USP10: variants seen among roughly 807,000 people sequenced by gnomAD.
The protein encoded by USP10 is ubiquitin specific peptidase 10, also known as ubiquitin carboxyl-terminal hydrolase 10.
Under a neutral mutation model 84.5 loss-of-function variants are expected in USP10, and 22 were observed. That is an observed-to-expected ratio of 0.26 (90% CI 0.19 to 0.37). USP10 has a LOEUF of 0.37. USP10 is among the 10% of genes least tolerant of loss of function. The pLI is 1.00. For synonymous variants in USP10, 454 were observed against 387.6 expected, an observed-to-expected ratio of 1.17 and a Z score of -2.01; for missense variants, 1,019 against 998.9, an observed-to-expected ratio of 1.02 and a Z score of -0.27.
intron 4 of USP10, among the ~76,000 whole-genome samples, chr16:84,749,670 T>A (rs1911675816): frequency 6.6e-6 from 1 of 152,240 alleles, no homozygotes; most frequent in Non-Finnish European, 1.5e-5. Context: ...TCTGGACTAT[T>A]TCCCCTATTG....
chr16:84,761,779 G>A (rs905211506), intron 8 of USP10, among the ~76,000 whole-genome samples: 2 of 152,260 alleles, frequency 1.3e-5, no homozygotes, highest in African/African-American at 4.8e-5. Context: ...TTGGACCGAT[G>A]GGAACCTTTC....
At chr16:84,704,930 C>T in intron 1 of USP10, 2 of 1,532,868 alleles carry the variant, frequency 1.3e-6, no homozygotes, top group South Asian at 1.2e-5. Flanking sequence ...CCCTTTTGGG[C>T]TCACATGAGA....
intron 2 of USP10, among the ~76,000 whole-genome samples, chr16:84,736,951 G>A (rs1910012437): frequency 6.6e-6 from 1 of 152,206 alleles, no homozygotes; most frequent in Non-Finnish European, 1.5e-5. Context: ...ACCTCGCCCG[G>A]CTAATTTTTT....
intron 3 of USP10, among the ~76,000 whole-genome samples, chr16:84,741,485 C>T (rs1192887835): frequency 6.6e-6 from 1 of 152,334 alleles, no homozygotes; most frequent in South Asian, 2.1e-4. Context: ...CTTACAAATG[C>T]CCCATGATGT....
Position 84,772,650 on chromosome 16 carries a change from A to G in USP10, c.2108A>G (p.Asn703Ser). The G allele has an allele frequency of 6.2e-7, 1 of 1,614,052 alleles. No individual in the cohort carries two copies. Among genetic ancestry groups the G allele is most frequent in the Non-Finnish European group, 8.5e-7 (1 of 1,179,904 alleles). Residue 703 changes from asparagine (N) to serine (S), a missense_variant, in exon 12 of 14, where the codon AAT becomes AGT. Asn to Ser is a conservative substitution (Grantham distance 46). Transcript: ENST00000219473. Reference protein sequence around the residue: ...KTGGCQKLIKNIEYPVDLEIS... With the variant: ...KTGGCQKLIKSIEYPVDLEIS... ...GGTGGGTGCCAGAAGCTTATCAAAA[A>G]TATTGAATATCCTGTGGACTTGGAA...
At chr16:84,708,142 G>A (rs1300987159) in intron 1 of USP10, among the ~76,000 whole-genome samples, 6 of 151,472 alleles carry the variant, frequency 4.0e-5, no homozygotes, top group Middle Eastern at 3.6e-3. Context: ...CATGCTGTCC[G>A]GTGTTCATAG....
In USP10 at chr16:84,700,110, A is replaced by G; in HGVS notation, c.20A>G (p.Gln7Arg). 1.5e-6 allele frequency: 2 copies of G among 1,352,050 alleles called. No homozygotes were observed. The highest frequency in any genetic ancestry group is 1.9e-6 in the Non-Finnish European group (2 of 1,030,950). 83.8% of individuals were successfully genotyped at this position (1,352,050 alleles called of 1,614,324 possible). A position where few individuals can be genotyped will look rare whatever the true frequency, so the allele number is the denominator to read the frequency against. MALHSP[Q>R]YIFGDFSPDE... is the part of the protein sequence containing the mutation. ...GCAGCCATGGCCCTCCACAGCCCGC[A>G]GGTAGCCGCCGGTCTGCGCCTTCGG... Residue 7 changes from glutamine to arginine, a missense_variant and splice_region_variant, in exon 1 of 14, where the codon CAG becomes CGG. Physicochemically the swap from Gln to Arg is conservative, Grantham distance 43. Transcript: ENST00000219473.
intron 4 of USP10, among the ~76,000 whole-genome samples, chr16:84,749,912 A>C (rs549365397): frequency 1.9e-4 from 29 of 152,312 alleles, no homozygotes; most frequent in African/African-American, 6.3e-4. Context: ...CTGTTTTTCA[A>C]GTGTGAACTG....
chr16:84,752,757 G>C (rs867033410), intron 4 of USP10, among the ~76,000 whole-genome samples: 1 of 152,146 alleles, frequency 6.6e-6, no homozygotes, highest in Non-Finnish European at 1.5e-5. Flanking sequence ...AGGAGCTCAC[G>C]AACTTCATAA....
chr16:84,730,516 A>G (rs1444681594), intron 1 of USP10, among the ~76,000 whole-genome samples: 1 of 152,242 alleles, frequency 6.6e-6, no homozygotes, highest in Non-Finnish European at 1.5e-5. Context: ...ATTTGAAAAT[A>G]ATAGGAGAAA....
At chr16:84,709,779 C>T (rs548235426) in intron 1 of USP10, among the ~76,000 whole-genome samples, 2 of 152,126 alleles carry the variant, frequency 1.3e-5, no homozygotes, top group Non-Finnish European at 2.9e-5. Context: ...GGCAGAGAAG[C>T]ACACGGACAA....
At chr16:84,712,010 G>A (rs1197930981) in intron 1 of USP10, among the ~76,000 whole-genome samples, 6 of 152,084 alleles carry the variant, frequency 3.9e-5, no homozygotes, top group Admixed American at 2.0e-4. Flanking sequence ...ATGAGCCACC[G>A]CGCCCGGTGG....
At chr16:84,753,237 C>G (rs1031502722) in intron 4 of USP10, among the ~76,000 whole-genome samples, 3 of 152,160 alleles carry the variant, frequency 2.0e-5, no homozygotes, top group Non-Finnish European at 2.9e-5. Flanking sequence ...CTGCCATAGC[C>G]TCCCAAAGTG....
intron 4 of USP10, among the ~76,000 whole-genome samples, chr16:84,747,769 GC>G (rs773612895): frequency 3.3e-5 from 5 of 151,714 alleles, no homozygotes; most frequent in Non-Finnish European, 5.9e-5. Context: ...GTTTCACCAT[GC>G]TGCCCAGGCT....
At chr16:84,755,310 G>A (rs73245629) in intron 4 of USP10, among the ~76,000 whole-genome samples, 137 of 151,678 alleles carry the variant, frequency 9.0e-4, no homozygotes, top group African/African-American at 3.2e-3. Context: ...AACTGAAGTT[G>A]CTGTTTCACT....
intron 1 of USP10, among the ~76,000 whole-genome samples, chr16:84,730,323 A>G (rs561762511): frequency 1.3e-5 from 2 of 151,804 alleles, no homozygotes; most frequent in East Asian, 1.9e-4. Context: ...TTTTAATAGT[A>G]TTTTGAAGAT....
chr16:84,754,809 G>T (rs1428890480), intron 4 of USP10, among the ~76,000 whole-genome samples: 2 of 152,134 alleles, frequency 1.3e-5, no homozygotes, highest in Non-Finnish European at 2.9e-5. Flanking sequence ...CAAGCCTCCA[G>T]GCCATGCAGA....
In USP10 at chr16:84,713,253, C is replaced by G. The variant is rs185984854; in HGVS notation, c.21+13142C>G. Among the ~76,000 whole-genome samples, 506 of 152,310 alleles carry G rather than the reference C, an allele frequency of 3.3e-3. 4 individuals are homozygous for G. The highest frequency in any genetic ancestry group is 4.9e-3 in the Admixed American group (75 of 15,308). ...TTGTTGGTACAGAAATGGAGGGGAA[C>G]ACATTGTCTGTCCCCGAGACCCTCT... On this transcript the variant is annotated intron_variant, in intron 1 of 13. Transcript: ENST00000219473.
intron 8 of USP10, 126 bp from the exon 9 acceptor site, chr16:84,762,863 T>G: frequency 1.8e-6 from 1 of 555,508 alleles, no homozygotes; most frequent in Admixed American, 2.9e-5. Context: ...ATCATGTCAT[T>G]GTTTGGAAAT....
Sources: allele counts gnomAD v4.1 joint callset (sites outside exome capture counted in the v4.1 genomes callset), GRCh38; gene constraint gnomAD v4.1.1; transcripts MANE v1.5; gene names NCBI Gene and HGNC (gene_info 2026-07-23, HGNC 2026-07-21).